POLD4: variants seen among roughly 807,000 people sequenced by gnomAD.
The protein encoded by POLD4 is DNA polymerase delta 4, accessory subunit.
In POLD4, 9 loss-of-function variants were observed where a neutral mutation model predicts 16.5. The ratio of observed to expected loss-of-function variants is 0.55; its 90% confidence interval spans 0.33 to 0.95. The LOEUF is 0.95. Ranked by LOEUF, POLD4 falls within the 40% of genes least tolerant of loss-of-function variation. The pLI is 0.03. For synonymous variants in POLD4, 62 were observed against 57.6 expected, an observed-to-expected ratio of 1.08 and a Z score of -0.35; for missense variants, 129 against 139.7, an observed-to-expected ratio of 0.92 and a Z score of 0.39.
In POLD4 at chr11:67,350,853, A is replaced by C. The variant is rs1861853328; in HGVS notation, c.*1142T>G. 1 of 149,908 alleles carries C rather than the reference A, an allele frequency of 6.7e-6. No individual in the cohort carries two copies. The highest frequency in any genetic ancestry group is 1.5e-5 in the Non-Finnish European group (1 of 67,696). 9.3% of individuals were successfully genotyped at this position (149,908 alleles called of 1,614,324 possible). A position where few individuals can be genotyped will look rare whatever the true frequency, so the allele number is the denominator to read the frequency against. On this transcript the variant is annotated 3_prime_UTR_variant, in exon 4 of 4. Transcript: ENST00000312419. ...GAGTGCAGTGATGCGGTCTCAGCTC[A>C]CTGCCAGCTCTGCCTCCCGGGTTCA... is the stretch of plus-strand genomic sequence containing the variant.
At position 67,353,000 on chromosome 11, in the gene POLD4, C is replaced by T. The variant is rs34136263; in HGVS notation, c.175G>A (p.Gly59Arg). The T allele has an allele frequency of 3.8e-6, 6 of 1,578,024 alleles. No individual in the cohort carries two copies. In the South Asian group the frequency reaches 4.6e-5, roughly 12 times the overall value. ...LRQFDLAWQY[G>R]PCTGITRLQR... ...GGTGGGTTCTCACCGGTGCAGGGCCCGTACTGCCAGGCCAGGTCAAACTGC... is the reference window on the plus strand; with the variant it reads ...GGTGGGTTCTCACCGGTGCAGGGCCTGTACTGCCAGGCCAGGTCAAACTGC... Residue 59 changes from glycine (G) to arginine (R), a missense_variant, in exon 2 of 4, where the codon GGG (glycine) becomes AGG (arginine). Physicochemically the swap from Gly to Arg is moderately radical, Grantham distance 125. Transcript: ENST00000312419.
At position 67,353,373 on chromosome 11, in the gene POLD4, ATCAG is replaced by A; in HGVS notation, c.23_26del (p.Thr8IlefsTer6). The stretch of plus-strand genomic sequence containing the variant: ...CCCTCCTCTTCACAACCGGGTAGGA[ATCAG>A]TGATGAGCCGCTTCCGGCCCATGGC... On this transcript the variant is annotated frameshift_variant, in exon 1 of 4. Coordinates refer to ENST00000312419, the MANE Select transcript of POLD4 (RefSeq NM_021173.5). LOFTEE classifies it high-confidence loss of function. 6.2e-7 allele frequency: 1 copy of A among 1,612,264 alleles called. No individual in the cohort carries two copies. The highest frequency in any genetic ancestry group is 8.5e-7 in the Non-Finnish European group (1 of 1,179,976).
At chr11:67,352,089 G>T in intron 3 of POLD4, 70 bp from the exon 4 acceptor site, 1 of 1,269,638 alleles carries the variant, frequency 7.9e-7, no homozygotes, top group South Asian at 1.3e-5. Context: ...ATCAGTTGTT[G>T]AGTCCCTGGA....
Position 67,353,521 on chromosome 11 carries a change from A to C in POLD4, c.-122T>G. 6.2e-6 allele frequency: 5 copies of C among 808,634 alleles called. No homozygotes were observed. The highest frequency in any genetic ancestry group is 9.6e-6 in the Non-Finnish European group (5 of 522,168). The allele number at this position is 808,634 out of a possible 1,614,324, so 50.1% of individuals were successfully genotyped here. ...GGGGCCAGGCCAGCGGCGGGCAGAC[A>C]AGATGACCCAGACAAACCGAGAGAG... On this transcript the variant is annotated 5_prime_UTR_variant, in exon 1 of 4. Transcript: ENST00000312419.
Position 67,351,757 on chromosome 11 carries a change from C to A in POLD4, c.*238G>T, listed in dbSNP as rs1297154245. The A allele has an allele frequency of 5.8e-6, 3 of 513,550 alleles. No individual in the cohort carries two copies. The highest frequency in any genetic ancestry group is 5.8e-5 in the African/African-American group (3 of 51,606). 31.8% of individuals were successfully genotyped at this position (513,550 alleles called of 1,614,324 possible). A position where few individuals can be genotyped will look rare whatever the true frequency, so the allele number is the denominator to read the frequency against. On this transcript the variant is annotated 3_prime_UTR_variant, in exon 4 of 4. Transcript: ENST00000312419. This position sits in a 1 kb window ranked among gnomAD's most constrained non-coding sequence, Gnocchi z 4.8. Reference sequence around the variant, plus strand: ...GGAAGGTGATGGCCAGGTCCTTTTCCCCAGTGACCACTCTCCATCTAGAAG... The same window carrying A: ...GGAAGGTGATGGCCAGGTCCTTTTCACCAGTGACCACTCTCCATCTAGAAG...
chr11:67,351,196 T>C lies in POLD4; in HGVS notation c.*799A>G, dbSNP rs28364247. On this transcript the variant is annotated 3_prime_UTR_variant, in exon 4 of 4. Coordinates refer to ENST00000312419, the MANE Select transcript of POLD4 (RefSeq NM_021173.5). This position sits in a 1 kb window ranked among gnomAD's most constrained non-coding sequence, Gnocchi z 4.8. ...GCCAGAGGTGCTTGCTGGGAATGTA[T>C]AGATATGTTTGGACTTCATGAGCTA... The C allele has an allele frequency of 6.6e-6, 1 of 152,212 alleles. No individual in the cohort carries two copies. Among genetic ancestry groups the C allele is most frequent in the Non-Finnish European group, 1.5e-5 (1 of 68,076 alleles). 9.4% of individuals were successfully genotyped at this position (152,212 alleles called of 1,614,324 possible). A position where few individuals can be genotyped will look rare whatever the true frequency, so the allele number is the denominator to read the frequency against.
rs944670069 is a variant in POLD4 at position 67,351,892 on chromosome 11, G to A, written c.*103C>T. 1.7e-5 allele frequency: 22 copies of A among 1,320,452 alleles called. No individual in the cohort carries two copies. In the African/African-American group the frequency reaches 1.9e-4, roughly 11 times the overall value. The allele number at this position is 1,320,452 out of a possible 1,614,324, so 81.8% of individuals were successfully genotyped here. On this transcript the variant is annotated 3_prime_UTR_variant, in exon 4 of 4. Transcript: ENST00000312419. The surrounding 1 kb of genome is among the most constrained non-coding windows in gnomAD (Gnocchi z 4.8). The stretch of plus-strand genomic sequence containing the variant: ...GGTTCTGCCTGCCAAGGGTTCCTCC[G>A]CAGCCGGGCTGAGCTGAGCAGGAGC...
Position 67,353,351 on chromosome 11 carries a change from T to G in POLD4, c.49A>C (p.Arg17=). The G allele has an allele frequency of 6.2e-7, 1 of 1,612,290 alleles. No individual in the cohort carries two copies. The highest frequency in any genetic ancestry group is 8.5e-7 in the Non-Finnish European group (1 of 1,179,958). Residue 17 remains arginine, a synonymous_variant, in exon 1 of 4, where the codon AGG becomes CGG. Transcript: ENST00000312419. ...TTGCTGTGCCCAGCGGGCCCCTCCC[T>G]CCTCTTCACAACCGGGTAGGAATCA... ...ITDSYPVVKR[R]EGPAGHSKGE... is the part of the protein sequence containing the mutation.
chr11:67,352,554 A>G, intron 3 of POLD4, 137 bp downstream of exon 3: 1 of 617,342 alleles, frequency 1.6e-6, no homozygotes, highest in East Asian at 2.9e-5. Context: ...TGAGCCAGGC[A>G]CCTCATAGAA....
In POLD4 at chr11:67,352,625, C is replaced by T. The variant is rs28364243; in HGVS notation, c.299+66G>A. On this transcript the variant is annotated intron_variant, in intron 3 of 3. Coordinates refer to ENST00000312419, the MANE Select transcript of POLD4 (RefSeq NM_021173.5). ...CATCCATTTCTCCCTCAGGTCAGGA[C>T]AGCAGGGTGACAGTGCCTGGAGAAG... The T allele has an allele frequency of 4.4e-4, 554 of 1,259,720 alleles. 5 individuals carry two copies. The African/African-American group carries it at 7.5e-3, about 17-fold the overall frequency. 78.0% of individuals were successfully genotyped at this position (1,259,720 alleles called of 1,614,324 possible).
chr11:67,353,558 G>C, upstream of POLD4: 1 of 616,648 alleles, frequency 1.6e-6, no homozygotes, highest in Non-Finnish European at 2.8e-6. Context: ...AAGTCGCCGG[G>C]GTCCAGGGAG....
At chr11:67,352,185 G>C (rs2134846093) in intron 3 of POLD4, 166 bp from the exon 4 acceptor site, 2 of 604,848 alleles carry the variant, frequency 3.3e-6, no homozygotes. Context: ...TGGGTCCTGG[G>C]TGTACCTTTG....
In POLD4 at chr11:67,353,351, T is replaced by TC; in HGVS notation, c.48dup (p.Arg17GlufsTer37). On this transcript the variant is annotated frameshift_variant, in exon 1 of 4. Coordinates refer to ENST00000312419, the MANE Select transcript of POLD4 (RefSeq NM_021173.5). LOFTEE classifies it high-confidence loss of function. The stretch of plus-strand genomic sequence containing the variant: ...TTGCTGTGCCCAGCGGGCCCCTCCC[T>TC]CCTCTTCACAACCGGGTAGGAATCA... 6.2e-7 allele frequency: 1 copy of TC among 1,612,290 alleles called. No homozygotes were observed. The highest frequency in any genetic ancestry group is 1.7e-5 in the Admixed American group (1 of 60,008).
rs1427203920 is a variant in POLD4 at position 67,351,283 on chromosome 11, A to C, written c.*712T>G. 1.3e-5 allele frequency: 2 copies of C among 152,272 alleles called. No individual in the cohort carries two copies. The highest frequency in any genetic ancestry group is 2.9e-5 in the Non-Finnish European group (2 of 68,104). 9.4% of individuals were successfully genotyped at this position (152,272 alleles called of 1,614,324 possible). A position where few individuals can be genotyped will look rare whatever the true frequency, so the allele number is the denominator to read the frequency against. On this transcript the variant is annotated 3_prime_UTR_variant, in exon 4 of 4. Transcript: ENST00000312419. The surrounding 1 kb of genome is among the most constrained non-coding windows in gnomAD (Gnocchi z 4.8). ...GTTTGTGAGGTGGGCACCGCTTAGCAAGGCAGGTGGCTGGCTAGTCAGGTA... is the reference window on the plus strand; with the variant it reads ...GTTTGTGAGGTGGGCACCGCTTAGCCAGGCAGGTGGCTGGCTAGTCAGGTA...
At chr11:67,352,867 T>G in intron 2 of POLD4, 65 bp from the exon 3 acceptor site, 2 of 1,373,052 alleles carry the variant, frequency 1.5e-6, no homozygotes, top group Non-Finnish European at 1.0e-6. Flanking sequence ...AGCTGGAGAA[T>G]GTGTGTGTTG....
In POLD4 at chr11:67,351,041, T is replaced by C. The variant is rs2511057; in HGVS notation, c.*954A>G. ...CCTCCCAAAGTGCTGGGATTACAGG[T>C]GTGAGCCACCGCGCCCAGCCATCAG... On this transcript the variant is annotated 3_prime_UTR_variant, in exon 4 of 4. Transcript: ENST00000312419. This position sits in a 1 kb window ranked among gnomAD's most constrained non-coding sequence, Gnocchi z 4.8. 14,895 of 151,664 alleles carry C rather than the reference T, an allele frequency of 0.098. 1,404 individuals are homozygous for C. The highest frequency in any genetic ancestry group is 0.25 in the African/African-American group (10,244 of 41,348). The allele number at this position is 151,664 out of a possible 1,614,324, so 9.4% of individuals were successfully genotyped here.
At position 67,351,660 on chromosome 11, in the gene POLD4, T is replaced by C; in HGVS notation, c.*335A>G. On this transcript the variant is annotated 3_prime_UTR_variant, in exon 4 of 4. Transcript: ENST00000312419. The surrounding 1 kb of genome is among the most constrained non-coding windows in gnomAD (Gnocchi z 4.8). ...TAGGTGGGAGAGCATCTTTTCCTCA[T>C]GGATCAACTGTCCATGTCTGACTGT... 3.5e-6 allele frequency: 1 copy of C among 283,356 alleles called. No individual in the cohort carries two copies. The highest frequency in any genetic ancestry group is 6.7e-6 in the Non-Finnish European group (1 of 148,566). 17.6% of individuals were successfully genotyped at this position (283,356 alleles called of 1,614,324 possible). A position where few individuals can be genotyped will look rare whatever the true frequency, so the allele number is the denominator to read the frequency against.
Position 67,351,987 on chromosome 11 carries a change from G to C in POLD4, c.*8C>G. The C allele has an allele frequency of 6.4e-7, 1 of 1,558,242 alleles. No individual in the cohort carries two copies. On this transcript the variant is annotated 3_prime_UTR_variant, in exon 4 of 4. Coordinates refer to ENST00000312419, the MANE Select transcript of POLD4 (RefSeq NM_021173.5). The surrounding 1 kb of genome is among the most constrained non-coding windows in gnomAD (Gnocchi z 4.8). The stretch of plus-strand genomic sequence containing the variant: ...GAGAGCTAAGGGCAGGAGGTCTTAC[G>C]TGGTGCCTCATAGGGGATAGAGATG...
In POLD4 at chr11:67,352,708, G is replaced by A. The variant is rs1332987757; in HGVS notation, c.282C>T (p.Asp94=). The A allele has an allele frequency of 1.2e-6, 2 of 1,612,776 alleles. No individual in the cohort carries two copies. Among genetic ancestry groups the A allele is most frequent in the South Asian group, 1.1e-5 (1 of 90,996 alleles). The change falls in exon 3 of 4, where the codon GAC becomes GAT. Residue 94 remains aspartate, a synonymous_variant. Transcript: ENST00000312419. ...TCTCTGACCTGCACTGGAAGCGGGG[G>A]TCTCCGGGGTGGGTCTTCAGCACCT... The part of the protein sequence containing the change: ...VWQVLKTHPG[D]PRFQCSLWHL...
Sources: allele counts gnomAD v4.1 joint callset, GRCh38; gene constraint gnomAD v4.1.1; non-coding constraint Gnocchi (gnomAD v3.1); transcripts MANE v1.5; gene names NCBI Gene and HGNC (gene_info 2026-07-23, HGNC 2026-07-21).